Variants in FHIT observed in about 807,000 individuals in gnomAD.
FHIT encodes the protein fragile histidine triad diadenosine triphosphatase, also known as bis(5'-adenosyl)-triphosphatase.
A neutral mutation model predicts 17.9 loss-of-function variants in FHIT; 19 were observed. That is an observed-to-expected ratio of 1.06 (90% CI 0.74 to 1.56). FHIT has a LOEUF of 1.56. FHIT is among the 40% of genes most tolerant of loss of function. FHIT has a pLI of 0.00. For synonymous variants in FHIT, 81 were observed against 69.7 expected (o/e 1.16, Z -0.81); for missense variants, 248 against 189.2 (o/e 1.31, Z -1.82).
intron 4 of FHIT, among the ~76,000 whole-genome samples, chr3:60,782,757 G>C (rs1189786727): frequency 1.3e-5 from 2 of 152,114 alleles, no homozygotes; most frequent in East Asian, 3.9e-4. Flanking sequence ...CAAGGTCAAG[G>C]TGCCAGTAGA....
intron 5 of FHIT, among the ~76,000 whole-genome samples, chr3:60,463,308 T>C (rs1215615229): frequency 1.3e-5 from 2 of 152,194 alleles, no homozygotes; most frequent in African/African-American, 2.4e-5. Flanking sequence ...TTCACAAATC[T>C]AAGGAAAATG....
At chr3:59,892,180 CA>C in intron 8 of FHIT, among the ~76,000 whole-genome samples, 1 of 152,274 alleles carries the variant, frequency 6.6e-6, no homozygotes, top group East Asian at 1.9e-4. Context: ...ATTTTTACAT[CA>C]TCGGGAGGGA....
intron 5 of FHIT, among the ~76,000 whole-genome samples, chr3:60,116,585 C>A (rs577885831): frequency 6.6e-5 from 10 of 152,148 alleles, no homozygotes; most frequent in Non-Finnish European, 1.3e-4. Flanking sequence ...TCATTCATTA[C>A]AAGACAGTAT....
At chr3:60,981,965 C>A (rs559578386) in intron 3 of FHIT, among the ~76,000 whole-genome samples, 1 of 152,234 alleles carries the variant, frequency 6.6e-6, no homozygotes, top group Non-Finnish European at 1.5e-5. Flanking sequence ...TCGAGTCCTC[C>A]CCTTCACTCC....
chr3:60,723,279 C>T (rs951288649), intron 4 of FHIT, among the ~76,000 whole-genome samples: 3 of 152,166 alleles, frequency 2.0e-5, no homozygotes, highest in Admixed American at 6.5e-5. Flanking sequence ...AGAGCAGGCT[C>T]GAGAAGGCCT....
At chr3:60,703,111 A>G (rs1390531442) in intron 4 of FHIT, among the ~76,000 whole-genome samples, 1 of 152,214 alleles carries the variant, frequency 6.6e-6, no homozygotes, top group African/African-American at 2.4e-5. Flanking sequence ...TGTTGCCCTC[A>G]TAAGAAGCAA....
intron 5 of FHIT, among the ~76,000 whole-genome samples, chr3:60,219,423 T>A (rs1703855960): frequency 2.0e-5 from 3 of 152,276 alleles, no homozygotes; most frequent in South Asian, 4.1e-4. Context: ...CTACCCAAAG[T>A]CAACATATTT....
intron 3 of FHIT, among the ~76,000 whole-genome samples, chr3:61,007,547 C>T (rs1178107403): frequency 6.6e-6 from 1 of 152,198 alleles, no homozygotes; most frequent in Non-Finnish European, 1.5e-5. Context: ...TCTACCAGTT[C>T]TTAATCTCCT....
intron 3 of FHIT, among the ~76,000 whole-genome samples, chr3:60,822,986 C>T (rs566562658): frequency 1.1e-4 from 16 of 152,268 alleles, no homozygotes; most frequent in African/African-American, 3.9e-4. Flanking sequence ...TAGAGGTAAT[C>T]GTTTCCTTTT....
At chr3:60,110,511 T>C (rs1704624729) in intron 5 of FHIT, among the ~76,000 whole-genome samples, 1 of 152,184 alleles carries the variant, frequency 6.6e-6, no homozygotes, top group Admixed American at 6.5e-5. Context: ...GGCTTAGTGA[T>C]GTAAAACAGG....
chr3:60,138,334 T>C (rs1245524384), intron 5 of FHIT, among the ~76,000 whole-genome samples: 1 of 152,186 alleles, frequency 6.6e-6, no homozygotes, highest in Non-Finnish European at 1.5e-5. Context: ...TGGCTGTGAC[T>C]GAGAAATGAT....
chr3:60,296,913 T>C (rs1249323692), intron 5 of FHIT, among the ~76,000 whole-genome samples: 1 of 131,550 alleles, frequency 7.6e-6, no homozygotes, highest in Non-Finnish European at 1.6e-5. Context: ...ATTGCTTTTT[T>C]ATTTTTGCAA....
At chr3:60,328,709 T>C (rs1207595738) in intron 5 of FHIT, among the ~76,000 whole-genome samples, 1 of 152,128 alleles carries the variant, frequency 6.6e-6, no homozygotes. Flanking sequence ...ATAGATTACA[T>C]AAAAGACCAC....
chr3:60,898,932 A>G (rs1190219048), intron 3 of FHIT, among the ~76,000 whole-genome samples: 1 of 152,222 alleles, frequency 6.6e-6, no homozygotes, highest in East Asian at 1.9e-4. Flanking sequence ...CAGTTTCTGT[A>G]TAAACACATT....
At chr3:59,841,557 G>A (rs771922848) in intron 8 of FHIT, among the ~76,000 whole-genome samples, 1 of 152,096 alleles carries the variant, frequency 6.6e-6, no homozygotes, top group Admixed American at 6.5e-5. Context: ...AGCTTTGGAG[G>A]GCCTACCTCA....
intron 2 of FHIT, among the ~76,000 whole-genome samples, chr3:61,091,261 C>T (rs886899384): frequency 1.3e-5 from 2 of 152,132 alleles, no homozygotes; most frequent in African/African-American, 4.8e-5. Context: ...TTGGTACATC[C>T]TCCCTACATG....
chr3:60,405,790 A>G (rs2107206307), intron 5 of FHIT, among the ~76,000 whole-genome samples: 1 of 152,336 alleles, frequency 6.6e-6, no homozygotes, highest in East Asian at 1.9e-4. Context: ...TGTGCTAAGC[A>G]TTCTGCAATG....
At chr3:60,616,105 G>T (rs2038943330) in intron 4 of FHIT, among the ~76,000 whole-genome samples, 1 of 152,088 alleles carries the variant, frequency 6.6e-6, no homozygotes, top group Non-Finnish European at 1.5e-5. Context: ...CATTGTCTAG[G>T]TTCTTCTATT....
chr3:60,002,274 C>T (rs1699757972), intron 7 of FHIT, among the ~76,000 whole-genome samples: 1 of 151,984 alleles, frequency 6.6e-6, no homozygotes, highest in Admixed American at 6.6e-5. Context: ...AATTTCAAAC[C>T]ACTGTTTGTG....
Sources: allele counts gnomAD v4.1 joint callset (sites outside exome capture counted in the v4.1 genomes callset), GRCh38; gene constraint gnomAD v4.1.1; transcripts MANE v1.5; gene names NCBI Gene and HGNC (gene_info 2026-07-23, HGNC 2026-07-21).